Variants in BOC observed in about 807,000 individuals in gnomAD.
BOC encodes BOC cell adhesion associated, oncogene regulated.
BOC carries 76 observed loss-of-function variants against 112.0 expected under a neutral mutation model. That is an observed-to-expected ratio of 0.68 (90% confidence interval 0.56 to 0.82). The LOEUF (loss-of-function observed/expected upper bound fraction) is 0.82, where lower values mean the gene tolerates loss of function less well. Among genes scored for constraint, BOC ranks in the 40% least tolerant of loss-of-function variants. BOC has a pLI of 0.00. For missense variants in BOC, 1,309 were observed against 1,511.7 expected (o/e 0.87, Z 2.22); for synonymous variants, 580 against 599.8 (o/e 0.97, Z 0.48).
At chr3:113,272,299 G>T in intron 6 of BOC, 111 bp from the exon 7 acceptor site, 3 of 1,226,796 alleles carry the variant, frequency 2.4e-6, no homozygotes, top group South Asian at 2.7e-5. Context: ...TGAAAGACCC[G>T]GAATGGCTGT....
intron 2 of BOC, among the ~76,000 whole-genome samples, chr3:113,233,148 GGTGTGT>G (rs59444901): frequency 0.046 from 5,659 of 123,958 alleles, 155 homozygotes; most frequent in African/African-American, 0.049. Flanking sequence ...AAAGGATTGG[GGTGTGT>G]GTGTGTGTGT....
intron 2 of BOC, among the ~76,000 whole-genome samples, chr3:113,229,200 C>A (rs1942191429): frequency 6.6e-6 from 1 of 152,122 alleles, no homozygotes; most frequent in African/African-American, 2.4e-5. Flanking sequence ...CACTGTTAAC[C>A]CTTTACAGCT....
chr3:113,255,286 C>T (rs1477138737), intron 4 of BOC, among the ~76,000 whole-genome samples: 1 of 152,080 alleles, frequency 6.6e-6, no homozygotes, highest in Admixed American at 6.5e-5. Context: ...CCAGTCTGCT[C>T]CTGAACCAAC....
chr3:113,279,053 A>G (rs1480959588), intron 11 of BOC, among the ~76,000 whole-genome samples, 196 bp from the exon 12 acceptor site: 1 of 152,206 alleles, frequency 6.6e-6, no homozygotes, highest in Non-Finnish European at 1.5e-5. Context: ...GAAGGATAGC[A>G]TAAGGGGTCT....
chr3:113,279,423 G>A lies in BOC; in HGVS notation c.1991G>A (p.Arg664Gln), dbSNP rs759609900. The A allele has an allele frequency of 4.2e-5, 67 of 1,613,986 alleles. No individual in the cohort carries two copies. Among genetic ancestry groups the A allele is most frequent in the Admixed American group, 1.0e-4 (6 of 60,016 alleles). ...GCCACCAGCGCCATCCCCCCATCGC[G>A]GCTGTCCGTGGAGATCACGGGCCTA... is the stretch of plus-strand genomic sequence containing the variant. ...ILATSAIPPS[R>Q]LSVEITGLEK... The change falls in exon 12 of 20, where the codon CGG becomes CAG. Residue 664 changes from arginine (R) to glutamine (Q), a missense_variant. Physicochemically the swap from Arg to Gln is conservative, Grantham distance 43. Transcript: ENST00000682979.
rs2107712595 is a variant in BOC, at chr3:113,279,427, G to C, written c.1995G>C (p.Leu665=). ...CCAGCGCCATCCCCCCATCGCGGCT[G>C]TCCGTGGAGATCACGGGCCTAGAGA... ...LATSAIPPSR[L]SVEITGLEKG... Residue 665 remains leucine, a synonymous_variant, in exon 12 of 20, where the codon CTG becomes CTC. Coordinates refer to ENST00000682979, the MANE Select transcript of BOC (RefSeq NM_001378074.1). 1.2e-6 allele frequency: 2 copies of C among 1,614,118 alleles called. No homozygotes were observed. Among genetic ancestry groups the C allele is most frequent in the Non-Finnish European group, 1.7e-6 (2 of 1,180,002 alleles).
At chr3:113,245,462 T>C (rs1222875721) in intron 2 of BOC, among the ~76,000 whole-genome samples, 3 of 152,164 alleles carry the variant, frequency 2.0e-5, no homozygotes, top group Non-Finnish European at 4.4e-5. Context: ...TTCACTTATT[T>C]CCCCAATATT....
intron 13 of BOC, 41 bp from the exon 14 acceptor site, chr3:113,280,517 C>A (rs765876976): frequency 4.9e-6 from 7 of 1,419,174 alleles, no homozygotes; most frequent in Non-Finnish European, 1.0e-6. Flanking sequence ...ATGATGTTTT[C>A]TCTGCCCATT....
At chr3:113,217,969 T>G (rs889293957) in intron 2 of BOC, among the ~76,000 whole-genome samples, 2 of 152,234 alleles carry the variant, frequency 1.3e-5, no homozygotes, top group East Asian at 3.8e-4. Flanking sequence ...TTCAGCTTTT[T>G]ACCTTTCAAT....
At chr3:113,232,432 A>C (rs1318735324) in intron 2 of BOC, among the ~76,000 whole-genome samples, 1 of 152,186 alleles carries the variant, frequency 6.6e-6, no homozygotes, top group African/African-American at 2.4e-5. Flanking sequence ...TTGGGGACTG[A>C]ATGTGTATAT....
At chr3:113,281,707 C>A (rs1949218235) in intron 15 of BOC, among the ~76,000 whole-genome samples, 1 of 152,194 alleles carries the variant, frequency 6.6e-6, no homozygotes, top group African/African-American at 2.4e-5. Flanking sequence ...CTCCGTTTTG[C>A]AGATACTGAA....
At position 113,286,662 on chromosome 3, in the gene BOC, T is replaced by C; in HGVS notation, c.3161-13T>C. The C allele has an allele frequency of 6.4e-7, 1 of 1,554,912 alleles. No homozygotes were observed. The highest frequency in any genetic ancestry group is 8.7e-7 in the Non-Finnish European group (1 of 1,150,976). ...ATCTGGATTTTAATGGTTCCTACTCTTTCTCCCCTCAGGGCCCCCATGCTG... is the reference window on the plus strand; with the variant it reads ...ATCTGGATTTTAATGGTTCCTACTCCTTCTCCCCTCAGGGCCCCCATGCTG... On this transcript the variant is annotated splice_polypyrimidine_tract_variant and intron_variant, in intron 19 of 19. Coordinates refer to ENST00000682979, the MANE Select transcript of BOC (RefSeq NM_001378074.1).
intron 1 of BOC, among the ~76,000 whole-genome samples, chr3:113,214,811 T>A (rs1294850705): frequency 6.6e-6 from 1 of 152,264 alleles, no homozygotes; most frequent in East Asian, 1.9e-4. Context: ...ACATTTTTAG[T>A]GCATCAGGCA....
intron 2 of BOC, among the ~76,000 whole-genome samples, chr3:113,236,277 C>T: frequency 7.5e-5 from 4 of 53,514 alleles, no homozygotes; most frequent in East Asian, 7.1e-4. Context: ...TATATATACC[C>T]ATGGGTATAT....
intron 5 of BOC, chr3:113,269,293 G>C (rs1947854954): frequency 6.6e-6 from 1 of 152,244 alleles, no homozygotes; most frequent in Admixed American, 6.5e-5. Flanking sequence ...AGCAGGTCTA[G>C]GGAAGCCAAG....
intron 4 of BOC, chr3:113,261,876 C>T (rs929784340): frequency 6.6e-6 from 1 of 152,104 alleles, no homozygotes; most frequent in African/African-American, 2.4e-5. Flanking sequence ...CAGCTTTCTT[C>T]CACTGCTCAA....
chr3:113,260,324 T>A (rs1406844604), intron 4 of BOC, among the ~76,000 whole-genome samples: 1 of 152,194 alleles, frequency 6.6e-6, no homozygotes, highest in Non-Finnish European at 1.5e-5. Context: ...TAAGAAAGGA[T>A]AAAGCAGGGA....
chr3:113,280,035 G>A, intron 13 of BOC, 30 bp downstream of exon 13: 1 of 1,571,328 alleles, frequency 6.4e-7, no homozygotes, highest in Non-Finnish European at 8.7e-7. Context: ...GACTGCAGTG[G>A]AAGACGGCCT....
chr3:113,211,454 C>G (rs1420105807), upstream of BOC: 4 of 119,658 alleles, frequency 3.3e-5, no homozygotes, highest in Admixed American at 1.9e-4. Flanking sequence ...TTTGCTCCTC[C>G]CCCTCCTCCC....
Sources: gnomAD v4.1 joint callset for allele counts (sites outside exome capture counted in the v4.1 genomes callset) on GRCh38, gnomAD v4.1.1 for gene constraint, MANE v1.5 for transcripts, NCBI Gene and HGNC (gene_info 2026-07-23, HGNC 2026-07-21) for gene names.